CCSER1: variants seen among roughly 807,000 people sequenced by gnomAD.
CCSER1 encodes the protein serine-rich coiled-coil domain-containing protein 1.
CCSER1 carries 41 observed loss-of-function variants against 82.0 expected under a neutral mutation model. The ratio of observed to expected loss-of-function variants is 0.50; its 90% CI spans 0.39 to 0.65. The LOEUF is 0.65. Among genes scored for constraint, CCSER1 ranks in the 30% least tolerant of loss-of-function variants. The pLI is 0.00. For synonymous variants in CCSER1, 414 were observed against 383.9 expected, an observed-to-expected ratio of 1.08 and a Z score of -0.92; for missense variants, 1,119 against 1,064.2, an observed-to-expected ratio of 1.05 and a Z score of -0.72.
intron 1 of CCSER1, among the ~76,000 whole-genome samples, chr4:90,239,460 T>G (rs1372101548): frequency 6.6e-6 from 1 of 152,170 alleles, no homozygotes; most frequent in East Asian, 1.9e-4. Context: ...TACTTGATAC[T>G]GTAATGTGTA....
At chr4:91,077,055 G>A (rs1722072309) in intron 9 of CCSER1, among the ~76,000 whole-genome samples, 1 of 149,454 alleles carries the variant, frequency 6.7e-6, no homozygotes, top group Non-Finnish European at 1.5e-5. Flanking sequence ...ACATGACCAG[G>A]CAAAGAACAA....
At chr4:90,982,277 T>G (rs1301223353) in intron 9 of CCSER1, among the ~76,000 whole-genome samples, 1 of 151,714 alleles carries the variant, frequency 6.6e-6, no homozygotes, top group Admixed American at 6.6e-5. Flanking sequence ...CATCTTCCTC[T>G]TCTTTGAATG....
intron 10 of CCSER1, among the ~76,000 whole-genome samples, chr4:91,204,444 A>G (rs1253545292): frequency 6.6e-6 from 1 of 151,806 alleles, no homozygotes; most frequent in Non-Finnish European, 1.5e-5. Flanking sequence ...TTGATGTGCT[A>G]CTTTGGGGAA....
intron 1 of CCSER1, among the ~76,000 whole-genome samples, chr4:90,207,890 C>G (rs1739198291): frequency 6.6e-6 from 1 of 152,156 alleles, no homozygotes; most frequent in Admixed American, 6.5e-5. Context: ...AGAGGGGCAC[C>G]CGCCAGATGC....
intron 1 of CCSER1, among the ~76,000 whole-genome samples, chr4:90,265,224 ACTTTTT>A (rs1213574079): frequency 6.6e-6 from 1 of 151,844 alleles, no homozygotes; most frequent in Non-Finnish European, 1.5e-5. Context: ...TTTTTATTTT[ACTTTTT>A]CTTTTGAATG....
chr4:90,301,075 C>T (rs1023051192), intron 1 of CCSER1, among the ~76,000 whole-genome samples: 3 of 152,046 alleles, frequency 2.0e-5, no homozygotes, highest in African/African-American at 7.2e-5. Flanking sequence ...CTCAATTTAT[C>T]CTCCTGCTTC....
At chr4:91,303,898 C>T (rs1744855790) in intron 10 of CCSER1, among the ~76,000 whole-genome samples, 1 of 151,940 alleles carries the variant, frequency 6.6e-6, no homozygotes, top group African/African-American at 2.4e-5. Context: ...ATAAGGGAAA[C>T]TGTGGAGCAG....
chr4:90,359,405 G>A (rs189600710), intron 3 of CCSER1, among the ~76,000 whole-genome samples: 1 of 152,124 alleles, frequency 6.6e-6, no homozygotes, highest in African/African-American at 2.4e-5. Flanking sequence ...TTTACATACT[G>A]AGCATATAAC....
At chr4:90,712,039 T>C (rs1446339086) in intron 6 of CCSER1, among the ~76,000 whole-genome samples, 1 of 151,850 alleles carries the variant, frequency 6.6e-6, no homozygotes, top group African/African-American at 2.4e-5. Flanking sequence ...TCTTACTTCT[T>C]TTCTTTATTA....
At chr4:91,213,635 A>AAC (rs766372480) in intron 10 of CCSER1, among the ~76,000 whole-genome samples, 8 of 152,186 alleles carry the variant, frequency 5.3e-5, no homozygotes, top group Non-Finnish European at 1.2e-4. Context: ...TTTAAGGATC[A>AAC]ACTTTCAACT....
intron 10 of CCSER1, among the ~76,000 whole-genome samples, chr4:91,180,193 G>A (rs538663154): frequency 4.3e-4 from 66 of 152,264 alleles, no homozygotes; most frequent in African/African-American, 1.3e-3. Flanking sequence ...AGGGGCACCC[G>A]GCTGTATGAG....
At position 90,516,473 on chromosome 4, in the gene CCSER1, AGGGTTATAGAGGGCAGACTT is replaced by A. The variant is rs1242803551; in HGVS notation, c.1724+48120_1724+48139del. Among the ~76,000 whole-genome samples, 26 of 152,198 alleles carry A rather than the reference AGGGTTATAGAGGGCAGACTT, an allele frequency of 1.7e-4. No individual in the cohort carries two copies. In the East Asian group the frequency reaches 4.3e-3, roughly 25 times the overall value. On this transcript the variant is annotated intron_variant, in intron 5 of 10. Transcript: ENST00000509176. ...GCAAGTTGTTGGAGCTGAGAAGGAG[AGGGTTATAGAGGGCAGACTT>A]CCTTATGAGAGCCTTATGAATCTCT...
chr4:90,446,692 G>A (rs1003891689), intron 4 of CCSER1, among the ~76,000 whole-genome samples: 3 of 152,124 alleles, frequency 2.0e-5, no homozygotes, highest in Non-Finnish European at 2.9e-5. Flanking sequence ...AACATGGGTT[G>A]GAACTATGTG....
intron 10 of CCSER1, among the ~76,000 whole-genome samples, chr4:91,330,427 C>T (rs1320646221): frequency 6.6e-6 from 1 of 152,086 alleles, no homozygotes. Flanking sequence ...AAGAATGTCT[C>T]TTACAGAGTC....
chr4:90,956,006 A>G (rs924670443), intron 9 of CCSER1, among the ~76,000 whole-genome samples: 1 of 152,126 alleles, frequency 6.6e-6, no homozygotes, highest in African/African-American at 2.4e-5. Context: ...ATATCAATGC[A>G]TTTGTTTATT....
At chr4:91,139,150 TGGGTTAATTCATTTAGAA>T (rs1020312137) in intron 10 of CCSER1, among the ~76,000 whole-genome samples, 5 of 152,206 alleles carry the variant, frequency 3.3e-5, no homozygotes, top group African/African-American at 1.2e-4. Flanking sequence ...TTTCTGCTCT[TGGGTTAATTCATTTAGAA>T]GAATGAATTC....
intron 8 of CCSER1, among the ~76,000 whole-genome samples, chr4:90,851,156 T>A (rs1349713812): frequency 6.6e-6 from 1 of 152,098 alleles, no homozygotes; most frequent in Admixed American, 6.6e-5. Flanking sequence ...AAACTGTGAG[T>A]AAATTAAATC....
chr4:91,455,124 A>G (rs1267825583), intron 10 of CCSER1, among the ~76,000 whole-genome samples: 2 of 152,102 alleles, frequency 1.3e-5, no homozygotes, highest in African/African-American at 2.4e-5. Flanking sequence ...ATAAAATTTC[A>G]TGGAGGGAAA....
intron 3 of CCSER1, among the ~76,000 whole-genome samples, chr4:90,392,560 C>A (rs1751362902): frequency 6.6e-6 from 1 of 152,052 alleles, no homozygotes. Flanking sequence ...AAACACACAG[C>A]AATCCAAACT....
Sources: allele counts gnomAD v4.1 joint callset (sites outside exome capture counted in the v4.1 genomes callset), GRCh38; gene constraint gnomAD v4.1.1; transcripts MANE v1.5; gene names NCBI Gene and HGNC (gene_info 2026-07-23, HGNC 2026-07-21).